Variants in GABRB1 observed in about 807,000 individuals in gnomAD.
GABRB1 encodes gamma-aminobutyric acid receptor subunit beta-1.
GABRB1 carries 17 observed loss-of-function variants against 51.6 expected under a neutral mutation model. The observed-to-expected ratio is 0.33, with a 90% CI of 0.23 to 0.49. GABRB1 has a LOEUF of 0.49. GABRB1 is among the 20% of genes least tolerant of loss of function. The pLI is 0.99. For synonymous variants in GABRB1, 247 were observed against 218.9 expected (o/e 1.13, Z -1.14); for missense variants, 410 against 600.6 (o/e 0.68, Z 3.32).
chr4:47,177,126 C>T (rs1372673775), intron 4 of GABRB1, among the ~76,000 whole-genome samples: 1 of 152,010 alleles, frequency 6.6e-6, no homozygotes, highest in Non-Finnish European at 1.5e-5. Context: ...ATTGACAATC[C>T]AGAGGCCACT....
chr4:47,384,623 A>T (rs964335810), intron 5 of GABRB1, among the ~76,000 whole-genome samples: 1 of 152,194 alleles, frequency 6.6e-6, no homozygotes, highest in African/African-American at 2.4e-5. Context: ...TGTTATCCAA[A>T]CTATCAAATC....
chr4:47,053,362 A>T (rs946562999), intron 3 of GABRB1, among the ~76,000 whole-genome samples: 1 of 152,158 alleles, frequency 6.6e-6, no homozygotes, highest in Non-Finnish European at 1.5e-5. Flanking sequence ...AGGTCTTCTT[A>T]GTTCATAGAC....
chr4:47,148,264 C>A lies in GABRB1; in HGVS notation c.241-12985C>A, dbSNP rs1205144401. ...GAGAATGAGGGTGGAGATGGAGGAC[C>A]CGATTTAAAGGTGGGTGGGCATAAT... On this transcript the variant is annotated intron_variant, in intron 3 of 8. Transcript: ENST00000295454. Among the ~76,000 whole-genome samples the A allele has an allele frequency of 7.9e-5, 12 of 151,884 alleles. No homozygotes were observed. The East Asian group carries it at 1.8e-3, about 22-fold the overall frequency.
intron 4 of GABRB1, among the ~76,000 whole-genome samples, chr4:47,232,849 C>G (rs1481937054): frequency 1.3e-5 from 2 of 151,676 alleles, no homozygotes; most frequent in African/African-American, 4.8e-5. Flanking sequence ...TTCCTACTCC[C>G]TCTGCCACAC....
chr4:47,354,549 T>C (rs6447550), intron 5 of GABRB1, among the ~76,000 whole-genome samples: 71,459 of 151,662 alleles, frequency 0.47, 17,177 homozygotes, highest in Non-Finnish European at 0.51. Context: ...GTACCATCAT[T>C]ATGTTAGGTT....
rs150737228 is a variant in GABRB1, at chr4:47,155,721, T to C, written c.241-5528T>C. Reference sequence around the variant, plus strand: ...TTTTCCTATTCCAAATGCTAGATAATTAATGGATTTTAATAAAATGATTTC... The same window carrying C: ...TTTTCCTATTCCAAATGCTAGATAACTAATGGATTTTAATAAAATGATTTC... On this transcript the variant is annotated intron_variant, in intron 3 of 8. Coordinates refer to ENST00000295454, the MANE Select transcript of GABRB1 (RefSeq NM_000812.4). 3.4e-3 allele frequency among the ~76,000 whole-genome samples: 523 copies of C among 151,866 alleles called. 3 individuals carry two copies. The highest frequency in any genetic ancestry group is 0.012 in the African/African-American group (510 of 41,446).
chr4:47,218,272 A>G (rs965914677), intron 4 of GABRB1, among the ~76,000 whole-genome samples: 1 of 151,872 alleles, frequency 6.6e-6, no homozygotes, highest in South Asian at 2.1e-4. Flanking sequence ...TAACTTGGTT[A>G]TTGTGAACAG....
At chr4:47,341,038 T>C (rs1725872858) in intron 5 of GABRB1, among the ~76,000 whole-genome samples, 1 of 152,168 alleles carries the variant, frequency 6.6e-6, no homozygotes. Context: ...ATGTAGTCAG[T>C]AAATATTTGA....
At chr4:47,250,862 T>C (rs1307971160) in intron 4 of GABRB1, among the ~76,000 whole-genome samples, 16 of 152,236 alleles carry the variant, frequency 1.1e-4, no homozygotes, top group Non-Finnish European at 2.1e-4. Flanking sequence ...TGTATCATTT[T>C]GTGTATTTCC....
intron 5 of GABRB1, among the ~76,000 whole-genome samples, chr4:47,341,504 AAG>A (rs760157534): frequency 6.6e-6 from 1 of 152,182 alleles, no homozygotes; most frequent in Non-Finnish European, 1.5e-5. Flanking sequence ...GGACACAACA[AAG>A]AGCAATAAAT....
At chr4:47,006,102 A>G (rs1334667373) in intron 1 of GABRB1, among the ~76,000 whole-genome samples, 3 of 151,850 alleles carry the variant, frequency 2.0e-5, no homozygotes, top group Non-Finnish European at 2.9e-5. Flanking sequence ...ACATTCTTTG[A>G]CAATGGAATC....
intron 1 of GABRB1, among the ~76,000 whole-genome samples, chr4:46,995,455 C>T (rs1329748994): frequency 6.6e-6 from 1 of 152,152 alleles, no homozygotes; most frequent in East Asian, 1.9e-4. Context: ...ACCTTTTGGG[C>T]TCAAGCAATC....
At chr4:47,177,474 C>T (rs1422690106) in intron 4 of GABRB1, among the ~76,000 whole-genome samples, 2 of 152,022 alleles carry the variant, frequency 1.3e-5, no homozygotes, top group Non-Finnish European at 2.9e-5. Flanking sequence ...AGATCAATGA[C>T]GAACTTGTGG....
At chr4:47,180,247 C>A (rs947172115) in intron 4 of GABRB1, among the ~76,000 whole-genome samples, 1 of 152,002 alleles carries the variant, frequency 6.6e-6, no homozygotes, top group African/African-American at 2.4e-5. Context: ...CCAGAAAAAT[C>A]TATTCCAAAG....
At chr4:47,238,227 C>T (rs775058485) in intron 4 of GABRB1, among the ~76,000 whole-genome samples, 2 of 151,860 alleles carry the variant, frequency 1.3e-5, no homozygotes, top group African/African-American at 2.4e-5. Context: ...AACATATAAA[C>T]ATAATTAATA....
intron 4 of GABRB1, among the ~76,000 whole-genome samples, chr4:47,177,624 G>T (rs917568176): frequency 6.6e-6 from 1 of 152,000 alleles, no homozygotes; most frequent in African/African-American, 2.4e-5. Flanking sequence ...TCAGAGGTAG[G>T]TAACCTGGTA....
intron 3 of GABRB1, among the ~76,000 whole-genome samples, chr4:47,080,588 C>T (rs13146233): frequency 0.083 from 12,575 of 152,024 alleles, 567 homozygotes; most frequent in South Asian, 0.17. Flanking sequence ...TTTATTATGT[C>T]TATTTTGTTT....
Position 47,234,949 on chromosome 4 carries a change from G to A in GABRB1, c.461+73480G>A, listed in dbSNP as rs531046607. Among the ~76,000 whole-genome samples, 15 of 152,230 alleles carry A rather than the reference G, an allele frequency of 9.9e-5. No individual in the cohort carries two copies. In the East Asian group the frequency reaches 2.7e-3, roughly 27 times the overall value. ...CAAGACATAGCCTTTATCCTTCAGG[G>A]ACTTACAGGTTCCTAACGAGGTTTG... On this transcript the variant is annotated intron_variant, in intron 4 of 8. Transcript: ENST00000295454.
chr4:47,173,875 T>C (rs931623779), intron 4 of GABRB1, among the ~76,000 whole-genome samples: 5 of 152,168 alleles, frequency 3.3e-5, no homozygotes, highest in Admixed American at 1.3e-4. Flanking sequence ...GAAATTCCTC[T>C]CCAGACTTGA....
Sources: gnomAD v4.1 joint callset for allele counts (sites outside exome capture counted in the v4.1 genomes callset) on GRCh38, gnomAD v4.1.1 for gene constraint, MANE v1.5 for transcripts, NCBI Gene and HGNC (gene_info 2026-07-23, HGNC 2026-07-21) for gene names.